Variants in POU6F2 observed in about 807,000 individuals in gnomAD.
POU6F2 encodes the protein POU class 6 homeobox 2.
Under a neutral mutation model 71.3 loss-of-function variants are expected in POU6F2, and 31 were observed. That is an observed-to-expected ratio of 0.43 (90% CI 0.33 to 0.59). The LOEUF is 0.59. POU6F2 is among the 20% of genes least tolerant of loss of function. The probability of loss-of-function intolerance (pLI) is 0.04; values close to 1 mark genes in which losing one functional copy is unlikely to be tolerated. For synonymous variants in POU6F2, 347 were observed against 355.7 expected (o/e 0.98, Z 0.27); for missense variants, 783 against 856.8 (o/e 0.91, Z 1.07).
intron 4 of POU6F2, among the ~76,000 whole-genome samples, chr7:39,234,849 TA>T (rs1379147985): frequency 1.2e-4 from 18 of 152,214 alleles, no homozygotes; most frequent in Non-Finnish European, 4.4e-5. Flanking sequence ...ATTCTAGAAG[TA>T]AAACTATCCA....
At chr7:38,999,333 A>G (rs989642266) in intron 1 of POU6F2, among the ~76,000 whole-genome samples, 5 of 152,148 alleles carry the variant, frequency 3.3e-5, no homozygotes, top group African/African-American at 7.2e-5. Context: ...TAGGCACTCA[A>G]TAAAGATTTG....
chr7:39,334,821 C>T (rs1312548562), intron 4 of POU6F2, among the ~76,000 whole-genome samples: 1 of 152,124 alleles, frequency 6.6e-6, no homozygotes, highest in African/African-American at 2.4e-5. Context: ...TAGTGGGGAG[C>T]AAAAGCACAC....
intron 2 of POU6F2, among the ~76,000 whole-genome samples, chr7:39,095,772 G>A (rs1321380348): frequency 6.6e-6 from 1 of 152,056 alleles, no homozygotes; most frequent in Non-Finnish European, 1.5e-5. Flanking sequence ...CAAAACAAAT[G>A]GTAGATGCAA....
chr7:39,391,774 A>G (rs1787080529), intron 5 of POU6F2, among the ~76,000 whole-genome samples: 1 of 152,256 alleles, frequency 6.6e-6, no homozygotes, highest in African/African-American at 2.4e-5. Context: ...TAACCTTGAA[A>G]GCCTTTGTCT....
At chr7:39,204,542 G>C (rs985382896) in intron 3 of POU6F2, among the ~76,000 whole-genome samples, 1 of 148,558 alleles carries the variant, frequency 6.7e-6, no homozygotes, top group Non-Finnish European at 1.5e-5. Context: ...TAAAGGAAAG[G>C]TTGGCTTTAA....
At chr7:39,314,564 C>T (rs1785227138) in intron 4 of POU6F2, among the ~76,000 whole-genome samples, 1 of 152,194 alleles carries the variant, frequency 6.6e-6, no homozygotes, top group African/African-American at 2.4e-5. Context: ...TTTTGTCACT[C>T]TTATGTTCCT....
intron 1 of POU6F2, among the ~76,000 whole-genome samples, chr7:39,028,603 A>G (rs1789869692): frequency 6.6e-6 from 1 of 152,064 alleles, no homozygotes; most frequent in South Asian, 2.1e-4. Flanking sequence ...ATGTACCTTT[A>G]TATCTTTTTA....
intron 4 of POU6F2, among the ~76,000 whole-genome samples, chr7:39,258,051 C>T (rs1397140948): frequency 6.6e-6 from 1 of 152,098 alleles, no homozygotes; most frequent in Non-Finnish European, 1.5e-5. Flanking sequence ...TGCAAGATTA[C>T]CTGGGGAGAA....
intron 1 of POU6F2, among the ~76,000 whole-genome samples, chr7:39,026,864 A>G (rs1789817342): frequency 6.6e-6 from 1 of 152,106 alleles, no homozygotes; most frequent in Non-Finnish European, 1.5e-5. Flanking sequence ...ATGATGGAGT[A>G]ACCTAGGTTG....
intron 1 of POU6F2, among the ~76,000 whole-genome samples, chr7:38,991,506 A>T (rs1281133079): frequency 1.3e-5 from 2 of 152,110 alleles, no homozygotes; most frequent in Non-Finnish European, 2.9e-5. Context: ...GAGTGGGACA[A>T]AGAGGAAAAA....
Position 38,993,632 on chromosome 7 carries a change from A to G in POU6F2, c.105+15574A>G, listed in dbSNP as rs1014320443. On this transcript the variant is annotated intron_variant, in intron 1 of 9. Coordinates refer to ENST00000518318, the MANE Select transcript of POU6F2 (RefSeq NM_001370959.1). ...TTTAAACACACACACACACACACAC[A>G]CACACACACACACACATCAGTGGTT... is the stretch of plus-strand genomic sequence containing the variant. 3.6e-4 allele frequency among the ~76,000 whole-genome samples: 55 copies of G among 151,966 alleles called. 1 individual carries two copies. Among genetic ancestry groups the G allele is most frequent in the Admixed American group, 1.4e-3 (22 of 15,234 alleles).
intron 4 of POU6F2, among the ~76,000 whole-genome samples, chr7:39,222,547 A>G (rs1182043624): frequency 6.6e-6 from 1 of 152,082 alleles, no homozygotes; most frequent in Non-Finnish European, 1.5e-5. Flanking sequence ...CTCTGTACCC[A>G]TTAAAACACA....
At chr7:39,318,066 A>G (rs1336676745) in intron 4 of POU6F2, among the ~76,000 whole-genome samples, 1 of 151,986 alleles carries the variant, frequency 6.6e-6, no homozygotes, top group Non-Finnish European at 1.5e-5. Flanking sequence ...CTCTTCCCAC[A>G]CTAACCCTAT....
At chr7:39,342,640 A>G (rs1374266032) in intron 5 of POU6F2, among the ~76,000 whole-genome samples, 2 of 152,226 alleles carry the variant, frequency 1.3e-5, no homozygotes, top group East Asian at 1.9e-4. Flanking sequence ...AATTATTTCT[A>G]AAACTGTGCA....
intron 1 of POU6F2, among the ~76,000 whole-genome samples, chr7:39,030,490 T>A (rs1392562574): frequency 1.1e-5 from 1 of 87,598 alleles, no homozygotes; most frequent in Non-Finnish European, 2.3e-5. Context: ...TATTGAACTT[T>A]CAAAAAATAC....
At position 39,464,449 on chromosome 7, in the gene POU6F2, C is replaced by T. The variant is rs1789021973; in HGVS notation, c.1926C>T (p.Ser642=). The change falls in exon 10 of 10, where the codon TCC becomes TCT. Residue 642 remains serine, a synonymous_variant. Coordinates refer to ENST00000518318, the MANE Select transcript of POU6F2 (RefSeq NM_001370959.1). The surrounding 1 kb of genome is among the most constrained non-coding windows in gnomAD (Gnocchi z 4.1). ...CCAAAAAGCGCAAGCGGCGCACCTC[C>T]TTCACACCCCAGGCCCTTGAGATCC... ...EPSKKRKRRT[S]FTPQALEILN... is the part of the protein sequence containing the mutation. 3 of 1,613,882 alleles carry T rather than the reference C, an allele frequency of 1.9e-6. No individual in the cohort carries two copies. Among genetic ancestry groups the T allele is most frequent in the Non-Finnish European group, 2.5e-6 (3 of 1,179,890 alleles).
rs1789033389 is a variant in POU6F2 at position 39,464,886 on chromosome 7, A to G, written c.*200A>G. 4.1e-6 allele frequency: 3 copies of G among 738,538 alleles called. No individual in the cohort carries two copies. Among genetic ancestry groups the G allele is most frequent in the East Asian group, 2.8e-5 (1 of 35,864 alleles). The allele number at this position is 738,538 out of a possible 1,614,324, so 45.7% of individuals were successfully genotyped here. On this transcript the variant is annotated 3_prime_UTR_variant, in exon 10 of 10. Coordinates refer to ENST00000518318, the MANE Select transcript of POU6F2 (RefSeq NM_001370959.1). This position sits in a 1 kb window ranked among gnomAD's most constrained non-coding sequence, Gnocchi z 4.1. Reference sequence around the variant, plus strand: ...TGTCCGTTGGTTTTCCAAAAAGGAAAGAAGAAAATTTTTAGAAAATTTTTA... The same window carrying G: ...TGTCCGTTGGTTTTCCAAAAAGGAAGGAAGAAAATTTTTAGAAAATTTTTA...
chr7:39,022,366 G>A (rs1475427408), intron 1 of POU6F2, among the ~76,000 whole-genome samples: 3 of 151,940 alleles, frequency 2.0e-5, no homozygotes, highest in Non-Finnish European at 4.4e-5. Context: ...ATCTGTAGGT[G>A]TTATTAATTC....
At chr7:39,439,879 G>GT (rs1455621572) in intron 7 of POU6F2, among the ~76,000 whole-genome samples, 1 of 127,388 alleles carries the variant, frequency 7.9e-6, no homozygotes, top group Non-Finnish European at 1.6e-5. Flanking sequence ...AGGTATGGTG[G>GT]TAAAAAAAAT....
Sources: allele counts gnomAD v4.1 joint callset (sites outside exome capture counted in the v4.1 genomes callset), GRCh38; gene constraint gnomAD v4.1.1; non-coding constraint Gnocchi (gnomAD v3.1); transcripts MANE v1.5; gene names NCBI Gene and HGNC (gene_info 2026-07-23, HGNC 2026-07-21).